Variants in LPL observed in about 807,000 individuals in gnomAD.
LPL encodes phospholipase A1.
A neutral mutation model predicts 52.2 loss-of-function variants in LPL; 43 were observed. The observed-to-expected ratio is 0.82, with a 90% CI of 0.64 to 1.06. LPL has a LOEUF of 1.06. Ranked by LOEUF, LPL falls within the 50% of genes least tolerant of loss-of-function variation. LPL has a pLI of 0.00. For synonymous variants in LPL, 244 were observed against 215.6 expected, an observed-to-expected ratio of 1.13 and a Z score of -1.15; for missense variants, 639 against 585.3, an observed-to-expected ratio of 1.09 and a Z score of -0.95.
chr8:19,961,968 T>G (rs1386531530), intron 8 of LPL, 147 bp from the exon 9 acceptor site: 5 of 660,966 alleles, frequency 7.6e-6, no homozygotes, highest in African/African-American at 1.8e-5. Flanking sequence ...TGATGTGGCC[T>G]GAGTGTGACA....
chr8:19,954,958 C>T (rs1301699326), intron 5 of LPL, among the ~76,000 whole-genome samples: 2 of 152,184 alleles, frequency 1.3e-5, no homozygotes, highest in Non-Finnish European at 1.5e-5. Flanking sequence ...CCTGCCTCAG[C>T]CTCCCAAAGT....
At chr8:19,954,441 T>C (rs1260125130) in intron 5 of LPL, 88 bp downstream of exon 5, 1 of 1,309,886 alleles carries the variant, frequency 7.6e-7, no homozygotes, top group Non-Finnish European at 1.1e-6. Context: ...TCAAAGTATG[T>C]AGTTTTCATA....
At chr8:19,963,817 C>T (rs996432890) in intron 9 of LPL, among the ~76,000 whole-genome samples, 9 of 152,232 alleles carry the variant, frequency 5.9e-5, no homozygotes, top group East Asian at 1.9e-4. Context: ...GGCAAAATAA[C>T]GCAATTCTTA....
At chr8:19,963,257 G>A (rs762529095) in intron 9 of LPL, among the ~76,000 whole-genome samples, 6 of 152,230 alleles carry the variant, frequency 3.9e-5, no homozygotes, top group South Asian at 4.1e-4. Flanking sequence ...CCAACGTGGC[G>A]AAACCACCTC....
At chr8:19,947,026 A>G (rs1233798857) in intron 1 of LPL, among the ~76,000 whole-genome samples, 1 of 152,212 alleles carries the variant, frequency 6.6e-6, no homozygotes, top group African/African-American at 2.4e-5. Context: ...ACATAGTGGG[A>G]AAAGAAATAT....
At chr8:19,963,449 AC>A (rs1408681723) in intron 9 of LPL, among the ~76,000 whole-genome samples, 4 of 151,302 alleles carry the variant, frequency 2.6e-5, no homozygotes, top group African/African-American at 7.3e-5. Flanking sequence ...AAAAAAAAAA[AC>A]ATGCCTATTA....
chr8:19,959,333 T>C lies in LPL; in HGVS notation c.1092T>C (p.Ile364=), dbSNP rs759240391. 3.1e-6 allele frequency: 5 copies of C among 1,614,050 alleles called. No individual in the cohort carries two copies. The East Asian group carries it at 8.9e-5, about 29-fold the overall frequency. Residue 364 remains isoleucine (I), a synonymous_variant, in exon 7 of 10, where the codon ATT becomes ATC. Transcript: ENST00000650287. The stretch of plus-strand genomic sequence containing the variant: ...CCCATACCAATCAGGCCTTTGAGAT[T>C]TCTCTGTATGGCACCGTGGCCGAGA... ...SETHTNQAFE[I]SLYGTVAESE...
chr8:19,946,083 T>C (rs978260486), intron 1 of LPL, among the ~76,000 whole-genome samples: 8 of 152,104 alleles, frequency 5.3e-5, no homozygotes, highest in Non-Finnish European at 1.5e-5. Flanking sequence ...TAGAGTGCTT[T>C]CTGGTTGGGA....
At chr8:19,946,603 G>A in intron 1 of LPL, 4 of 276,086 alleles carry the variant, frequency 1.4e-5, no homozygotes, top group South Asian at 6.2e-5. Flanking sequence ...TTTAGATTAA[G>A]GAATGAGAAG....
chr8:19,965,762 GCA>G lies in LPL; in HGVS notation c.*454_*455del. 1 of 157,166 alleles carries G rather than the reference GCA, an allele frequency of 6.4e-6. No individual in the cohort carries two copies. The allele number at this position is 157,166 out of a possible 1,614,324, so 9.7% of individuals were successfully genotyped here. A position where few individuals can be genotyped will look rare whatever the true frequency, so the allele number is the denominator to read the frequency against. On this transcript the variant is annotated 3_prime_UTR_variant, in exon 10 of 10. Transcript: ENST00000650287. ...AGAATACAGAAAATGCTTTTCCGCG[GCA>G]CGAATCAGACTCATCTACACAGCAG...
At chr8:19,964,095 C>T (rs1010249692) in intron 9 of LPL, among the ~76,000 whole-genome samples, 2 of 151,732 alleles carry the variant, frequency 1.3e-5, no homozygotes, top group East Asian at 1.9e-4. Flanking sequence ...TGGGATTACA[C>T]GTGTCCGCCA....
chr8:19,940,175 C>G (rs919064018), intron 1 of LPL, among the ~76,000 whole-genome samples: 3 of 152,208 alleles, frequency 2.0e-5, no homozygotes, highest in Non-Finnish European at 2.9e-5. Flanking sequence ...GGCGTCCCAC[C>G]CGCTCTGGGG....
chr8:19,941,097 TAAAAC>T (rs1277868111), intron 1 of LPL, among the ~76,000 whole-genome samples: 1 of 152,028 alleles, frequency 6.6e-6, no homozygotes, highest in Non-Finnish European at 1.5e-5. Context: ...CTCATAAAAT[TAAAAC>T]AAAACAAAAC....
At chr8:19,958,223 T>C (rs1224565985) in intron 6 of LPL, among the ~76,000 whole-genome samples, 4 of 152,130 alleles carry the variant, frequency 2.6e-5, no homozygotes, top group African/African-American at 9.7e-5. Context: ...GGTTTCACCA[T>C]GTTGGCCAAG....
chr8:19,948,030 G>T (rs1323323187), intron 1 of LPL, 150 bp from the exon 2 acceptor site: 13 of 763,756 alleles, frequency 1.7e-5, no homozygotes, highest in African/African-American at 6.9e-5. Context: ...AGCATCTGTT[G>T]TTCTCTTGCA....
chr8:19,940,382 C>G (rs1352796004), intron 1 of LPL, among the ~76,000 whole-genome samples: 1 of 152,192 alleles, frequency 6.6e-6, no homozygotes, highest in Non-Finnish European at 1.5e-5. Context: ...GGGCGCCCGG[C>G]CCCGCCGCGC....
At chr8:19,943,756 A>G (rs1385335731) in intron 1 of LPL, among the ~76,000 whole-genome samples, 2 of 152,204 alleles carry the variant, frequency 1.3e-5, no homozygotes, top group African/African-American at 4.8e-5. Flanking sequence ...TTTAATACAC[A>G]TCTCTGAACC....
chr8:19,956,107 A>C (rs1590144708), intron 6 of LPL, 24 bp downstream of exon 6: 4 of 1,613,724 alleles, frequency 2.5e-6, no homozygotes, highest in Non-Finnish European at 3.4e-6. Context: ...TGTTGTAAAT[A>C]AGGAAACCAA....
chr8:19,966,863 C>T lies in LPL; in HGVS notation c.*1553C>T, dbSNP rs1174742811. On this transcript the variant is annotated 3_prime_UTR_variant, in exon 10 of 10. Transcript: ENST00000650287. ...AAAATGATGTATGATTTGTTGTTGG[C>T]ATCCCCTTTATTAATTCATTAAATT... 1 of 152,448 alleles carries T rather than the reference C, an allele frequency of 6.6e-6. No homozygotes were observed. The highest frequency in any genetic ancestry group is 1.5e-5 in the Non-Finnish European group (1 of 68,046). 9.4% of individuals were successfully genotyped at this position (152,448 alleles called of 1,614,324 possible).
Sources: allele counts gnomAD v4.1 joint callset (sites outside exome capture counted in the v4.1 genomes callset), GRCh38; gene constraint gnomAD v4.1.1; transcripts MANE v1.5; gene names NCBI Gene and HGNC (gene_info 2026-07-23, HGNC 2026-07-21).